The following MTF2 variants were observed in gnomAD, a reference collection of about 807,000 sequenced individuals.
MTF2 encodes the protein metal response element binding transcription factor 2, also known as metal-response element-binding transcription factor 2.
Under a neutral mutation model 79.5 loss-of-function variants are expected in MTF2, and 11 were observed. The ratio of observed to expected loss-of-function variants is 0.14; its 90% CI spans 0.09 to 0.23. The LOEUF is 0.23. Among genes scored for constraint, MTF2 ranks in the 10% least tolerant of loss-of-function variants. The pLI is 1.00. For synonymous variants in MTF2, 208 were observed against 232.8 expected (o/e 0.89, Z 0.97); for missense variants, 486 against 711.2 (o/e 0.68, Z 3.60).
chr1:93,134,724 A>C (rs190885925), intron 14 of MTF2, among the ~76,000 whole-genome samples: 12 of 151,554 alleles, frequency 7.9e-5, no homozygotes, highest in Admixed American at 7.9e-4. Context: ...TGGTTTTGCT[A>C]ATTTGCCCAG....
chr1:93,110,965 G>A (rs1034058008), intron 3 of MTF2, among the ~76,000 whole-genome samples: 2 of 152,166 alleles, frequency 1.3e-5, no homozygotes, highest in African/African-American at 2.4e-5. Context: ...TTTATTGGGA[G>A]CATACTGTTT....
At chr1:93,118,102 T>A (rs1215731990) in intron 6 of MTF2, among the ~76,000 whole-genome samples, 1 of 151,988 alleles carries the variant, frequency 6.6e-6, no homozygotes, top group Non-Finnish European at 1.5e-5. Flanking sequence ...TGACTAGAAG[T>A]AGTAGTGTAT....
chr1:93,134,312 G>A (rs1647283562), intron 14 of MTF2, 117 bp downstream of exon 14: 2 of 730,932 alleles, frequency 2.7e-6, no homozygotes, highest in Middle Eastern at 7.3e-4. Flanking sequence ...GTGTCTATCA[G>A]CTTTTTGAGA....
chr1:93,107,096 C>G (rs1655826204), intron 1 of MTF2, among the ~76,000 whole-genome samples: 1 of 152,156 alleles, frequency 6.6e-6, no homozygotes. Flanking sequence ...GATAAAATTG[C>G]TTTGTGCCTT....
At chr1:93,106,109 A>G (rs994171554) in intron 1 of MTF2, among the ~76,000 whole-genome samples, 5 of 152,202 alleles carry the variant, frequency 3.3e-5, no homozygotes, top group African/African-American at 1.2e-4. Flanking sequence ...AAGGGTAACT[A>G]TAATTAGGTT....
chr1:93,104,885 G>A (rs989337860), intron 1 of MTF2, among the ~76,000 whole-genome samples: 1 of 150,722 alleles, frequency 6.6e-6, no homozygotes, highest in East Asian at 2.0e-4. Context: ...GGCCGGGCGC[G>A]GTGGCTCACG....
chr1:93,094,198 C>G (rs1235285593), intron 1 of MTF2, among the ~76,000 whole-genome samples: 1 of 151,836 alleles, frequency 6.6e-6, no homozygotes, highest in Admixed American at 6.6e-5. Context: ...CACTTTTTTT[C>G]TGTTTTCACA....
intron 1 of MTF2, among the ~76,000 whole-genome samples, chr1:93,092,316 GGGTTTGTCTTCACTGCTTTT>G (rs1425950789): frequency 2.6e-5 from 4 of 152,016 alleles, no homozygotes; most frequent in East Asian, 1.9e-4. Flanking sequence ...ATGTTACCAA[GGGTTTGTCTTCACTGCTTTT>G]GGTTTGTCTT....
rs563211753 is a variant in MTF2, at chr1:93,126,694, T to C, written c.922-538T>C. On this transcript the variant is annotated intron_variant, in intron 9 of 14. Transcript: ENST00000370298. ...AATTATTGAGCCATTTAGAGCTGGC[T>C]AAAGTCTATAATTGTTATGAAAAGA... Among the ~76,000 whole-genome samples, 156 of 152,220 alleles carry C rather than the reference T, an allele frequency of 1.0e-3. 1 individual carries two copies. Among genetic ancestry groups the C allele is most frequent in the African/African-American group, 3.2e-3 (133 of 41,576 alleles).
intron 1 of MTF2, among the ~76,000 whole-genome samples, chr1:93,085,694 C>T (rs1441613083): frequency 3.3e-5 from 5 of 151,940 alleles, no homozygotes; most frequent in Non-Finnish European, 5.9e-5. Flanking sequence ...TGGTATGTTG[C>T]CCATGCTATT....
chr1:93,093,909 G>A (rs948898305), intron 1 of MTF2, among the ~76,000 whole-genome samples: 4 of 152,040 alleles, frequency 2.6e-5, no homozygotes, highest in African/African-American at 9.7e-5. Flanking sequence ...TTGATAATTT[G>A]ACTGGTTATA....
chr1:93,129,205 AAAGTT>A, intron 10 of MTF2, 68 bp from the exon 11 acceptor site: 1 of 1,089,702 alleles, frequency 9.2e-7, no homozygotes, highest in Non-Finnish European at 1.2e-6. Context: ...CTTATATATG[AAAGTT>A]AAGTTAGGGT....
chr1:93,085,186 TTTC>T (rs1654784019), intron 1 of MTF2, among the ~76,000 whole-genome samples: 1 of 151,684 alleles, frequency 6.6e-6, no homozygotes, highest in Non-Finnish European at 1.5e-5. Flanking sequence ...TTTTCTTTTC[TTTC>T]TTTCTTTTTT....
intron 1 of MTF2, among the ~76,000 whole-genome samples, chr1:93,099,851 G>A (rs1259202477): frequency 1.3e-5 from 2 of 152,056 alleles, no homozygotes; most frequent in East Asian, 3.8e-4. Context: ...GGCAACAAAG[G>A]GATATATTAA....
chr1:93,110,355 G>T lies in MTF2; in HGVS notation c.131G>T (p.Cys44Phe). 6.2e-7 allele frequency: 1 copy of T among 1,614,202 alleles called. No homozygotes were observed. The highest frequency in any genetic ancestry group is 8.5e-7 in the Non-Finnish European group (1 of 1,180,034). ...QDGHKAKKPACKFEEGQDVLA... is the reference protein window; with the variant it reads ...QDGHKAKKPAFKFEEGQDVLA... ...GGACATAAAGCCAAAAAGCCAGCAT[G>T]TAAATTTGAAGAGGGTCAGGATGTC... Residue 44 changes from cysteine to phenylalanine, a missense_variant, in exon 2 of 15, where the codon TGT (cysteine) becomes TTT (phenylalanine). This residue lies in a region of MTF2 where 75 missense variants were observed against 83.8 expected (regional missense o/e 0.89). Coordinates refer to ENST00000370298, the MANE Select transcript of MTF2 (RefSeq NM_007358.4).
intron 1 of MTF2, among the ~76,000 whole-genome samples, chr1:93,102,602 T>A (rs1396809227): frequency 1.3e-5 from 2 of 150,952 alleles, no homozygotes; most frequent in Non-Finnish European, 3.0e-5. Flanking sequence ...AAAAAAAAAA[T>A]TGTTAACAAA....
Position 93,112,484 on chromosome 1 carries a change from G to C in MTF2, c.286+1858G>C, listed in dbSNP as rs190414997. The stretch of plus-strand genomic sequence containing the variant: ...GTTTTGAATCTTAGCATCTAATGCT[G>C]TTTTGGTTTCTGTGAAATGATATAC... On this transcript the variant is annotated intron_variant, in intron 3 of 14. Transcript: ENST00000370298. 2.4e-3 allele frequency among the ~76,000 whole-genome samples: 372 copies of C among 152,286 alleles called. 7 individuals are homozygous for C. In the South Asian group the frequency reaches 0.03, roughly 12 times the overall value.
At chr1:93,081,831 G>C (rs1451406332) in intron 1 of MTF2, among the ~76,000 whole-genome samples, 1 of 152,090 alleles carries the variant, frequency 6.6e-6, no homozygotes, top group Non-Finnish European at 1.5e-5. Flanking sequence ...AAATTTAAAT[G>C]GCCATATGTA....
intron 3 of MTF2, among the ~76,000 whole-genome samples, chr1:93,113,641 T>A (rs75296876): frequency 0.029 from 4,433 of 152,194 alleles, 188 homozygotes; most frequent in African/African-American, 0.099. Flanking sequence ...GAAAAATGCT[T>A]TTGATAGAAG....
Sources: allele counts gnomAD v4.1 joint callset (sites outside exome capture counted in the v4.1 genomes callset), GRCh38; gene constraint gnomAD v4.1.1; regional missense constraint gnomAD v4.1.1; transcripts MANE v1.5; gene names NCBI Gene and HGNC (gene_info 2026-07-23, HGNC 2026-07-21).